The following LRRC4C variants were observed in gnomAD, a reference collection of about 807,000 sequenced individuals.
The protein encoded by LRRC4C is leucine rich repeat containing 4C.
Under a neutral mutation model 33.6 loss-of-function variants are expected in LRRC4C, and 5 were observed. That is an observed-to-expected ratio of 0.15 (90% CI 0.08 to 0.31). The LOEUF (loss-of-function observed/expected upper bound fraction) is 0.31, where lower values mean the gene tolerates loss of function less well. LRRC4C is among the 10% of genes least tolerant of loss of function. LRRC4C has a pLI of 1.00. For missense variants in LRRC4C, 560 were observed against 796.7 expected, an observed-to-expected ratio of 0.70 and a Z score of 3.58; for synonymous variants, 329 against 302.0, an observed-to-expected ratio of 1.09 and a Z score of -0.93.
chr11:41,401,378 G>C (rs1954019400), intron 1 of LRRC4C, among the ~76,000 whole-genome samples: 1 of 151,648 alleles, frequency 6.6e-6, no homozygotes, highest in Admixed American at 6.6e-5. Context: ...TGTTTTGAGA[G>C]GAAAAAAATA....
At chr11:41,150,042 A>T (rs1943921396) in intron 1 of LRRC4C, among the ~76,000 whole-genome samples, 1 of 152,138 alleles carries the variant, frequency 6.6e-6, no homozygotes, top group South Asian at 2.1e-4. Flanking sequence ...ACAGCCCTTA[A>T]ATGTATCATT....
At chr11:41,316,179 G>T (rs1168873612) in intron 1 of LRRC4C, among the ~76,000 whole-genome samples, 1 of 142,654 alleles carries the variant, frequency 7.0e-6, no homozygotes, top group Non-Finnish European at 1.5e-5. Flanking sequence ...AGAATGATGT[G>T]CTCTTTCTCT....
At chr11:40,148,490 G>C (rs11035712) in intron 5 of LRRC4C, among the ~76,000 whole-genome samples, 13,820 of 152,024 alleles carry the variant, frequency 0.091, 735 homozygotes, top group South Asian at 0.16. Flanking sequence ...TTTTAAAAAA[G>C]TGTCTGTTCA....
intron 3 of LRRC4C, among the ~76,000 whole-genome samples, chr11:40,602,966 G>C (rs1253702024): frequency 6.6e-6 from 1 of 152,204 alleles, no homozygotes; most frequent in Non-Finnish European, 1.5e-5. Flanking sequence ...TAGTCACACA[G>C]AGCTCAAAGA....
chr11:41,287,035 G>GA (rs1256222431), intron 1 of LRRC4C, among the ~76,000 whole-genome samples: 1 of 152,156 alleles, frequency 6.6e-6, no homozygotes, highest in Non-Finnish European at 1.5e-5. Flanking sequence ...AGGGATCCTA[G>GA]AAATAGTGCT....
chr11:40,180,185 T>C (rs1411734983), intron 5 of LRRC4C, among the ~76,000 whole-genome samples: 2 of 152,214 alleles, frequency 1.3e-5, no homozygotes, highest in African/African-American at 2.4e-5. Flanking sequence ...ATGGTCCAAA[T>C]AACATAATTA....
At chr11:41,348,281 A>G (rs1951863285) in intron 1 of LRRC4C, among the ~76,000 whole-genome samples, 1 of 152,212 alleles carries the variant, frequency 6.6e-6, no homozygotes, top group East Asian at 1.9e-4. Flanking sequence ...TCCATTCCAT[A>G]AAACATAGCC....
At chr11:40,448,702 A>C (rs943357011) in intron 3 of LRRC4C, among the ~76,000 whole-genome samples, 1 of 152,204 alleles carries the variant, frequency 6.6e-6, no homozygotes. Flanking sequence ...TACTGCTGCA[A>C]TAAACATATG....
intron 3 of LRRC4C, among the ~76,000 whole-genome samples, chr11:40,556,124 A>G (rs1025242330): frequency 2.0e-5 from 3 of 152,192 alleles, no homozygotes; most frequent in Non-Finnish European, 4.4e-5. Flanking sequence ...AATGTTTCCA[A>G]AGAAAACAAT....
chr11:41,106,929 C>T lies in LRRC4C; in HGVS notation c.-495-173206G>A, dbSNP rs368106634. On this transcript the variant is annotated intron_variant, in intron 1 of 6. Coordinates refer to ENST00000528697, the MANE Select transcript of LRRC4C (RefSeq NM_001258419.2). ...TTGGGAGGGTGGGGCAGGAGGATCC[C>T]TTGAGTCTAGGAGTTTGAGAATGCA... Among the ~76,000 whole-genome samples the T allele has an allele frequency of 2.3e-4, 35 of 151,910 alleles. 3 individuals carry two copies. In the South Asian group the frequency reaches 6.9e-3, roughly 30 times the overall value.
chr11:40,358,336 A>T (rs1947777327), intron 3 of LRRC4C, among the ~76,000 whole-genome samples: 1 of 152,128 alleles, frequency 6.6e-6, no homozygotes, highest in African/African-American at 2.4e-5. Flanking sequence ...GCTGGAGTGT[A>T]GCGGTGGGAT....
intron 1 of LRRC4C, among the ~76,000 whole-genome samples, chr11:41,349,562 G>A (rs1191073513): frequency 6.6e-6 from 1 of 152,090 alleles, no homozygotes; most frequent in Admixed American, 6.5e-5. Flanking sequence ...GCTGAGCCTT[G>A]GTTCCCTGAA....
chr11:40,520,995 C>G (rs554549659), intron 3 of LRRC4C, among the ~76,000 whole-genome samples: 2 of 151,896 alleles, frequency 1.3e-5, no homozygotes, highest in Admixed American at 1.3e-4. Context: ...AGAACTCAAG[C>G]CAAATCCATT....
Position 40,797,000 on chromosome 11 carries a change from G to A in LRRC4C, c.-407+136635C>T, listed in dbSNP as rs113623672. Among the ~76,000 whole-genome samples, 603 of 152,204 alleles carry A rather than the reference G, an allele frequency of 4.0e-3. 3 individuals are homozygous for A. Among genetic ancestry groups the A allele is most frequent in the African/African-American group, 0.014 (583 of 41,524 alleles). ...TACTATCACACGCTATAGAACTTGA[G>A]CAATATCTCTGGATAAGATGAATCA... On this transcript the variant is annotated intron_variant, in intron 2 of 6. Coordinates refer to ENST00000528697, the MANE Select transcript of LRRC4C (RefSeq NM_001258419.2).
At chr11:40,383,930 A>ATTATTATTATTT (rs2137380088) in intron 3 of LRRC4C, among the ~76,000 whole-genome samples, 1 of 126,280 alleles carries the variant, frequency 7.9e-6, no homozygotes, top group African/African-American at 4.2e-5. Context: ...AATTATTATT[A>ATTATTATTATTT]TTATTATTAT....
At chr11:40,547,832 A>AT (rs1338962915) in intron 3 of LRRC4C, among the ~76,000 whole-genome samples, 10 of 152,214 alleles carry the variant, frequency 6.6e-5, no homozygotes, top group African/African-American at 2.4e-4. Context: ...ATCTTTACAC[A>AT]TTTCACAAAG....
intron 5 of LRRC4C, among the ~76,000 whole-genome samples, chr11:40,208,127 A>G (rs1863294433): frequency 6.6e-6 from 1 of 152,188 alleles, no homozygotes; most frequent in South Asian, 2.1e-4. Flanking sequence ...AAAAAGTACA[A>G]TCATGACCCT....
chr11:40,611,456 A>G (rs1447140870), intron 3 of LRRC4C, among the ~76,000 whole-genome samples: 1 of 151,886 alleles, frequency 6.6e-6, no homozygotes, highest in Non-Finnish European at 1.5e-5. Flanking sequence ...ATTGGCTTTG[A>G]CAATACTGTT....
At chr11:41,140,292 C>A (rs1436049601) in intron 1 of LRRC4C, among the ~76,000 whole-genome samples, 2 of 152,162 alleles carry the variant, frequency 1.3e-5, no homozygotes, top group African/African-American at 2.4e-5. Context: ...GCTGCACAGA[C>A]CCACCCTTCT....
Sources: gnomAD v4.1 joint callset for allele counts (sites outside exome capture counted in the v4.1 genomes callset) on GRCh38, gnomAD v4.1.1 for gene constraint, MANE v1.5 for transcripts, NCBI Gene and HGNC (gene_info 2026-07-23, HGNC 2026-07-21) for gene names.